GPC5: variants seen among roughly 807,000 people sequenced by gnomAD.
GPC5 encodes the protein glypican-5.
In GPC5, 47 loss-of-function variants were observed where a neutral mutation model predicts 53.9. The ratio of observed to expected loss-of-function variants is 0.87; its 90% confidence interval spans 0.69 to 1.11. GPC5 has a LOEUF of 1.11. GPC5 is among the 50% of genes most tolerant of loss of function. The probability of loss-of-function intolerance (pLI) is 0.00; values close to 1 mark genes in which losing one functional copy is unlikely to be tolerated. For synonymous variants in GPC5, 286 were observed against 263.3 expected, an observed-to-expected ratio of 1.09 and a Z score of -0.84; for missense variants, 748 against 713.1, an observed-to-expected ratio of 1.05 and a Z score of -0.56.
intron 7 of GPC5, among the ~76,000 whole-genome samples, chr13:92,283,353 GAT>G (rs985695647): frequency 1.3e-5 from 2 of 152,090 alleles, no homozygotes; most frequent in Non-Finnish European, 2.9e-5. Context: ...AGTTAACAAA[GAT>G]ATCCAGGAAT....
chr13:91,573,455 G>A lies in GPC5; in HGVS notation c.326-119732G>A, dbSNP rs143563209. On this transcript the variant is annotated intron_variant, in intron 2 of 7. Transcript: ENST00000377067. ...TAAAGCTTACTTTCTGATCCTATGC[G>A]TATTACAAAGTAATGAAGCTGAATA... 6.3e-3 allele frequency among the ~76,000 whole-genome samples: 958 copies of A among 152,176 alleles called. 13 individuals carry two copies. Among genetic ancestry groups the A allele is most frequent in the African/African-American group, 0.022 (907 of 41,518 alleles).
chr13:92,402,584 G>C (rs1349950890), intron 7 of GPC5, among the ~76,000 whole-genome samples: 1 of 152,196 alleles, frequency 6.6e-6, no homozygotes, highest in Admixed American at 6.5e-5. Context: ...GGATGAAGCT[G>C]TTCTGCCTCA....
At chr13:92,035,974 G>A (rs1188935879) in intron 6 of GPC5, among the ~76,000 whole-genome samples, 1 of 152,098 alleles carries the variant, frequency 6.6e-6, no homozygotes, top group Non-Finnish European at 1.5e-5. Flanking sequence ...TGCATTATAG[G>A]TTAAATCCAA....
intron 7 of GPC5, among the ~76,000 whole-genome samples, chr13:92,520,294 C>T (rs1002368990): frequency 9.9e-5 from 15 of 152,230 alleles, no homozygotes; most frequent in African/African-American, 3.1e-4. Context: ...CCAGCATCAT[C>T]CTGATACCAA....
intron 7 of GPC5, among the ~76,000 whole-genome samples, chr13:92,787,667 C>CAAAAAAAAAAAAAAAAAAAAAAAA (rs71202562): frequency 1.1e-4 from 6 of 56,236 alleles, no homozygotes; most frequent in African/African-American, 3.6e-4. Context: ...CTCATAGCTA[C>CAAAAAAAAAAAAAAAAAAAAAAAA]AAAAAAAAAA....
At chr13:92,032,133 CA>C (rs2040857297) in intron 6 of GPC5, among the ~76,000 whole-genome samples, 1 of 146,552 alleles carries the variant, frequency 6.8e-6, no homozygotes, top group African/African-American at 2.5e-5. Context: ...GCATTCACAG[CA>C]ACCTGGATGG....
At chr13:92,300,674 A>G (rs1208807903) in intron 7 of GPC5, among the ~76,000 whole-genome samples, 2 of 152,212 alleles carry the variant, frequency 1.3e-5, no homozygotes, top group African/African-American at 4.8e-5. Context: ...AGACAGTGTA[A>G]TGAGGAAATG....
chr13:91,778,074 CA>C (rs150049163), intron 5 of GPC5, among the ~76,000 whole-genome samples: 15,539 of 152,108 alleles, frequency 0.1, 879 homozygotes, highest in Non-Finnish European at 0.13. Flanking sequence ...TTCAAATACA[CA>C]CCTCTTTATA....
chr13:92,130,639 A>T (rs2041736080), intron 6 of GPC5, among the ~76,000 whole-genome samples: 1 of 152,108 alleles, frequency 6.6e-6, no homozygotes, highest in Admixed American at 6.5e-5. Flanking sequence ...TTTATAAGGA[A>T]TATTCGCCAT....
At chr13:91,726,786 C>A (rs759098885) in intron 3 of GPC5, among the ~76,000 whole-genome samples, 18 of 152,168 alleles carry the variant, frequency 1.2e-4, no homozygotes, top group Non-Finnish European at 2.1e-4. Context: ...TTCCATGGGC[C>A]TGCTGAAGGA....
chr13:92,279,598 G>A (rs1482625501), intron 7 of GPC5, among the ~76,000 whole-genome samples: 1 of 151,850 alleles, frequency 6.6e-6, no homozygotes, highest in Non-Finnish European at 1.5e-5. Flanking sequence ...CCATTGAGTA[G>A]GCTGGGTATT....
At chr13:91,877,171 C>T (rs982478243) in intron 5 of GPC5, among the ~76,000 whole-genome samples, 5 of 152,198 alleles carry the variant, frequency 3.3e-5, no homozygotes, top group African/African-American at 1.2e-4. Flanking sequence ...AGAACCTCTG[C>T]CAGGGCAGTG....
At chr13:92,706,506 T>TTC (rs1887956521) in intron 7 of GPC5, among the ~76,000 whole-genome samples, 1 of 152,040 alleles carries the variant, frequency 6.6e-6, no homozygotes, top group Non-Finnish European at 1.5e-5. Flanking sequence ...TTCAAAGAAG[T>TTC]ATAGAGCCAG....
chr13:91,961,427 C>A (rs2040124702), intron 6 of GPC5, among the ~76,000 whole-genome samples: 2 of 151,900 alleles, frequency 1.3e-5, no homozygotes, highest in African/African-American at 4.8e-5. Context: ...AGGTGACTGA[C>A]AATACCAACT....
intron 7 of GPC5, among the ~76,000 whole-genome samples, chr13:92,567,366 G>C (rs1202660131): frequency 6.6e-6 from 1 of 152,046 alleles, no homozygotes; most frequent in Non-Finnish European, 1.5e-5. Flanking sequence ...AATTTCACAG[G>C]CTGATAATAT....
chr13:91,476,020 A>AAATAGGT (rs1882908885), intron 2 of GPC5, among the ~76,000 whole-genome samples: 1 of 152,222 alleles, frequency 6.6e-6, no homozygotes, highest in African/African-American at 2.4e-5. Context: ...TGTACCAAGC[A>AAATAGGT]CTAAAAAATA....
At chr13:92,449,706 C>G (rs551302273) in intron 7 of GPC5, among the ~76,000 whole-genome samples, 1 of 152,134 alleles carries the variant, frequency 6.6e-6, no homozygotes, top group African/African-American at 2.4e-5. Context: ...TACTGAAAAT[C>G]AAGAATAGTA....
At chr13:91,835,833 T>G (rs180933045) in intron 5 of GPC5, among the ~76,000 whole-genome samples, 15 of 152,102 alleles carry the variant, frequency 9.9e-5, no homozygotes, top group Non-Finnish European at 1.3e-4. Context: ...TGTATACCTA[T>G]GTAACAAAAC....
chr13:92,202,473 A>G (rs1304405691), intron 7 of GPC5, among the ~76,000 whole-genome samples: 2 of 152,214 alleles, frequency 1.3e-5, no homozygotes, highest in Admixed American at 6.5e-5. Context: ...TTATAATTCA[A>G]AAGCATGTGA....
Sources: allele counts gnomAD v4.1 joint callset (sites outside exome capture counted in the v4.1 genomes callset), GRCh38; gene constraint gnomAD v4.1.1; transcripts MANE v1.5; gene names NCBI Gene and HGNC (gene_info 2026-07-23, HGNC 2026-07-21).